Variants in MMP16 observed in about 807,000 individuals in gnomAD.
The protein encoded by MMP16 is matrix metallopeptidase 16.
Under a neutral mutation model 67.8 loss-of-function variants are expected in MMP16, and 12 were observed. The observed-to-expected ratio is 0.18, with a 90% CI of 0.11 to 0.29. The LOEUF is 0.29. Among genes scored for constraint, MMP16 ranks in the 10% least tolerant of loss-of-function variants. MMP16 has a pLI of 1.00. For synonymous variants in MMP16, 249 were observed against 255.9 expected, an observed-to-expected ratio of 0.97 and a Z score of 0.26; for missense variants, 475 against 765.7, an observed-to-expected ratio of 0.62 and a Z score of 4.48.
At chr8:88,313,116 A>T (rs77069465) in intron 1 of MMP16, among the ~76,000 whole-genome samples, 2,306 of 152,286 alleles carry the variant, frequency 0.015, 64 homozygotes, top group African/African-American at 0.053. Context: ...CAATGTATCA[A>T]TAGTGCATTC....
intron 7 of MMP16, chr8:88,069,486 C>T (rs765816713): frequency 1.3e-5 from 7 of 526,970 alleles, no homozygotes; most frequent in Non-Finnish European, 2.7e-5. Context: ...TTTGTAGAGC[C>T]AACCATCTTG....
chr8:88,058,417 A>G lies in MMP16; in HGVS notation c.1223-2139T>C, dbSNP rs1388721798. Among the ~76,000 whole-genome samples, 2 of 152,186 alleles carry G rather than the reference A, an allele frequency of 1.3e-5. No individual in the cohort carries two copies. Among genetic ancestry groups the G allele is most frequent in the African/African-American group, 2.4e-5 (1 of 41,462 alleles). Reference sequence around the variant, plus strand: ...ACATGTACCAGGCACTGTTGTAGGCACTACTGATAGAGAAGTGAACCAGAA... The same window carrying G: ...ACATGTACCAGGCACTGTTGTAGGCGCTACTGATAGAGAAGTGAACCAGAA... On this transcript the variant is annotated intron_variant, in intron 7 of 9. Coordinates refer to ENST00000286614, the MANE Select transcript of MMP16 (RefSeq NM_005941.5). The surrounding 1 kb of genome is among the most constrained non-coding windows in gnomAD (Gnocchi z 4.2).
intron 6 of MMP16, among the ~76,000 whole-genome samples, chr8:88,109,428 A>C (rs1256747858): frequency 6.6e-6 from 1 of 151,384 alleles, no homozygotes; most frequent in East Asian, 1.9e-4. Context: ...TGCTTTTAAG[A>C]GATTGTGAAG....
chr8:88,206,490 CAG>C (rs1809428889), intron 1 of MMP16, among the ~76,000 whole-genome samples: 1 of 152,138 alleles, frequency 6.6e-6, no homozygotes, highest in African/African-American at 2.4e-5. Context: ...GGATCCCAGT[CAG>C]AGTGAGGGAG....
At chr8:88,089,359 G>A (rs890919446) in intron 6 of MMP16, among the ~76,000 whole-genome samples, 2 of 152,012 alleles carry the variant, frequency 1.3e-5, no homozygotes, top group African/African-American at 4.8e-5. Context: ...GTGAACAGGA[G>A]GACATATCTT....
chr8:88,117,828 T>C (rs911432781), intron 5 of MMP16, among the ~76,000 whole-genome samples: 2 of 152,104 alleles, frequency 1.3e-5, no homozygotes, highest in African/African-American at 4.8e-5. Context: ...ATCTATCTTC[T>C]GGATACTGGA....
In MMP16 at chr8:88,054,514, AC is replaced by A. The variant is rs144645505; in HGVS notation, c.1373+1613del. ...TGGACATCCTGTTGAGAGTCATTAC[AC>A]TTTTTGGGGCTTTAAGTAGCATCTT... On this transcript the variant is annotated intron_variant, in intron 8 of 9. Transcript: ENST00000286614. Among the ~76,000 whole-genome samples the A allele has an allele frequency of 2.0e-5, 3 of 152,166 alleles. No homozygotes were observed. In the East Asian group the frequency reaches 5.8e-4, roughly 29 times the overall value.
chr8:88,109,929 G>A (rs1486265682), intron 6 of MMP16, among the ~76,000 whole-genome samples: 1 of 150,998 alleles, frequency 6.6e-6, no homozygotes, highest in Non-Finnish European at 1.5e-5. Flanking sequence ...TGATTATAGG[G>A]AATTGTCTTG....
chr8:88,158,597 T>A (rs1223327837), intron 4 of MMP16, among the ~76,000 whole-genome samples: 3 of 152,266 alleles, frequency 2.0e-5, no homozygotes, highest in Non-Finnish European at 4.4e-5. Flanking sequence ...TGCAAAAATT[T>A]TCTCCCATTC....
chr8:88,172,842 A>G (rs1190545972), intron 3 of MMP16, among the ~76,000 whole-genome samples: 1 of 152,132 alleles, frequency 6.6e-6, no homozygotes, highest in Non-Finnish European at 1.5e-5. Context: ...ATCTTTAATG[A>G]CCATGCCTTA....
intron 1 of MMP16, among the ~76,000 whole-genome samples, chr8:88,266,329 G>A (rs77448617): frequency 0.016 from 1,684 of 102,144 alleles, 38 homozygotes; most frequent in African/African-American, 0.049. Context: ...CTCCTTATTA[G>A]TGAGTATGCT....
At chr8:88,115,641 ATTGAT>A (rs1354782766) in intron 6 of MMP16, among the ~76,000 whole-genome samples, 1 of 152,094 alleles carries the variant, frequency 6.6e-6, no homozygotes, top group African/African-American at 2.4e-5. Flanking sequence ...TGGATTATTT[ATTGAT>A]TTATGTCCAC....
chr8:88,123,137 A>G (rs180906743), intron 4 of MMP16, among the ~76,000 whole-genome samples: 1 of 152,070 alleles, frequency 6.6e-6, no homozygotes, highest in East Asian at 2.0e-4. Context: ...AGCAATAGAT[A>G]AATGCTGTGG....
chr8:88,286,724 C>T (rs1028179795), intron 1 of MMP16, among the ~76,000 whole-genome samples: 37 of 152,096 alleles, frequency 2.4e-4, no homozygotes, highest in Middle Eastern at 3.4e-3. Context: ...TACAGGCGCC[C>T]GCCACCATGC....
chr8:88,145,418 C>A (rs2118511778), intron 4 of MMP16, among the ~76,000 whole-genome samples: 1 of 151,798 alleles, frequency 6.6e-6, no homozygotes. Context: ...GTCCAAAATA[C>A]AATTATGTGT....
chr8:88,311,119 T>C (rs929100612), intron 1 of MMP16, among the ~76,000 whole-genome samples: 3 of 152,104 alleles, frequency 2.0e-5, no homozygotes, highest in African/African-American at 4.8e-5. Flanking sequence ...GGGGATTACC[T>C]GGTGGGGGTG....
In MMP16 at chr8:88,056,145, A is replaced by G. The variant is rs1808329656; in HGVS notation, c.1356T>C (p.Tyr452=). 1 of 1,578,860 alleles carries G rather than the reference A, an allele frequency of 6.3e-7. No homozygotes were observed. The highest frequency in any genetic ancestry group is 8.6e-7 in the Non-Finnish European group (1 of 1,160,088). ...ATACTGACCTGTCTCCCTTGAAGAA[A>G]TAGGTTTTCCCGACGTCCTCCCACC... ...AIWWEDVGKT[Y]FFKGDRYWRY... is the part of the protein sequence containing the mutation. The change falls in exon 8 of 10, where the codon TAT becomes TAC. Residue 452 remains tyrosine (Y), a synonymous_variant. Coordinates refer to ENST00000286614, the MANE Select transcript of MMP16 (RefSeq NM_005941.5).
chr8:88,172,065 C>T (rs1026370688), intron 3 of MMP16, among the ~76,000 whole-genome samples: 3 of 152,046 alleles, frequency 2.0e-5, no homozygotes, highest in Non-Finnish European at 4.4e-5. Context: ...GACCTCAGGT[C>T]GCCTTGGCCT....
At chr8:88,250,885 T>A (rs1810205639) in intron 1 of MMP16, among the ~76,000 whole-genome samples, 1 of 151,464 alleles carries the variant, frequency 6.6e-6, no homozygotes, top group Non-Finnish European at 1.5e-5. Flanking sequence ...CACTAACTCA[T>A]CATCTAGCAT....
Sources: allele counts gnomAD v4.1 joint callset (sites outside exome capture counted in the v4.1 genomes callset), GRCh38; gene constraint gnomAD v4.1.1; non-coding constraint Gnocchi (gnomAD v3.1); transcripts MANE v1.5; gene names NCBI Gene and HGNC (gene_info 2026-07-23, HGNC 2026-07-21).